Variants in PIK3CB observed in about 807,000 individuals in gnomAD.
PIK3CB encodes the protein phosphatidylinositol 4,5-bisphosphate 3-kinase catalytic subunit beta isoform.
PIK3CB carries 39 observed loss-of-function variants against 136.8 expected under a neutral mutation model. The ratio of observed to expected loss-of-function variants is 0.29; its 90% CI spans 0.22 to 0.37. The LOEUF is 0.37. Among genes scored for constraint, PIK3CB ranks in the 10% least tolerant of loss-of-function variants. The pLI, the probability that PIK3CB is intolerant of heterozygous loss-of-function variation, is 1.00. For missense variants in PIK3CB, 868 were observed against 1,275.4 expected, an observed-to-expected ratio of 0.68 and a Z score of 4.87; for synonymous variants, 428 against 436.6, an observed-to-expected ratio of 0.98 and a Z score of 0.25.
chr3:138,758,738 A>G (rs2045617274), intron 3 of PIK3CB, among the ~76,000 whole-genome samples: 1 of 152,196 alleles, frequency 6.6e-6, no homozygotes, highest in East Asian at 1.9e-4. Flanking sequence ...AAGTTCATGT[A>G]TATGCTGGTT....
chr3:138,659,468 G>C (rs943822986), intron 21 of PIK3CB, among the ~76,000 whole-genome samples: 2 of 151,446 alleles, frequency 1.3e-5, no homozygotes, highest in African/African-American at 4.9e-5. Flanking sequence ...AGTGAGCCGG[G>C]ATCACGCCAC....
chr3:138,798,147 G>GTTAT (rs978880083), intron 1 of PIK3CB, among the ~76,000 whole-genome samples: 4 of 151,926 alleles, frequency 2.6e-5, no homozygotes, highest in Admixed American at 2.0e-4. Flanking sequence ...AGAATCTGCA[G>GTTAT]TTATTTATTT....
rs749228472 is a variant in PIK3CB, at chr3:138,665,075, T to C, written c.2633A>G (p.Lys878Arg). ...TTTAAGCCAGTTCAGAAGGGCATCT[T>C]TGTTGAAGGCTGCTGCAGCAGCCAC... ...SNVAAAAAFN[K>R]DALLNWLKEY... is the part of the protein sequence containing the mutation. Residue 878 changes from lysine (K) to arginine (R), a missense_variant, in exon 20 of 24, where the codon AAA becomes AGA. Lys to Arg is a conservative substitution (Grantham distance 26). Around this residue, in one of 4 missense-constraint regions of PIK3CB, gnomAD observed 165 missense variants for 295.4 expected, o/e 0.56. Coordinates refer to ENST00000674063, the MANE Select transcript of PIK3CB (RefSeq NM_006219.3). 2 of 1,612,692 alleles carry C rather than the reference T, an allele frequency of 1.2e-6. No homozygotes were observed. Among genetic ancestry groups the C allele is most frequent in the Non-Finnish European group, 1.7e-6 (2 of 1,179,174 alleles).
intron 16 of PIK3CB, among the ~76,000 whole-genome samples, chr3:138,685,396 CAAAA>C (rs398052626): frequency 8.6e-5 from 5 of 58,354 alleles, no homozygotes; most frequent in Non-Finnish European, 1.4e-4. Flanking sequence ...GAAACTGTCT[CAAAA>C]AAAAAAAAAA....
rs776322430 is a variant in PIK3CB at position 138,698,943 on chromosome 3, C to G, written c.1734G>C (p.Leu578=). The part of the protein sequence containing the change: ...IFPQSLPKLL[L]SIKWNKLEDV... Reference sequence around the variant, plus strand: ...CCTCAAGTTTATTCCACTTGATTGACAGCAGTAATTTTGGCAGTGATTGTG... The same window carrying G: ...CCTCAAGTTTATTCCACTTGATTGAGAGCAGTAATTTTGGCAGTGATTGTG... The change falls in exon 13 of 24, where the codon CTG becomes CTC. Residue 578 remains leucine, a synonymous_variant. Transcript: ENST00000674063. 12 of 1,600,626 alleles carry G rather than the reference C, an allele frequency of 7.5e-6. No homozygotes were observed. In the East Asian group the frequency reaches 2.7e-4, roughly 36 times the overall value.
chr3:138,828,102 G>A (rs1020834629), intron 1 of PIK3CB, among the ~76,000 whole-genome samples: 1 of 151,740 alleles, frequency 6.6e-6, no homozygotes, highest in African/African-American at 2.4e-5. Flanking sequence ...AGTGTGTTCA[G>A]GATATACATT....
chr3:138,657,955 CCTCT>C, intron 21 of PIK3CB, 120 bp from the exon 22 acceptor site: 1 of 891,862 alleles, frequency 1.1e-6, no homozygotes, highest in Non-Finnish European at 1.7e-6. Context: ...AGCCCTTCTC[CCTCT>C]GTTTATAGCC....
chr3:138,827,814 C>T (rs965921193), intron 1 of PIK3CB, among the ~76,000 whole-genome samples: 22 of 147,694 alleles, frequency 1.5e-4, no homozygotes, highest in African/African-American at 5.3e-4. Flanking sequence ...CCTGTCTCTA[C>T]TAAAAAAATA....
At chr3:138,723,217 A>G (rs2044765079) in intron 8 of PIK3CB, among the ~76,000 whole-genome samples, 1 of 152,216 alleles carries the variant, frequency 6.6e-6, no homozygotes, top group African/African-American at 2.4e-5. Context: ...GTTATCTTCA[A>G]TCTTGAGAAG....
intron 2 of PIK3CB, among the ~76,000 whole-genome samples, chr3:138,780,184 T>G (rs2045907830): frequency 1.3e-5 from 2 of 152,128 alleles, no homozygotes; most frequent in African/African-American, 4.8e-5. Flanking sequence ...GGTCTCGAAC[T>G]CCCGACCTCA....
chr3:138,721,457 G>C (rs1313420876), intron 8 of PIK3CB, among the ~76,000 whole-genome samples: 1 of 152,132 alleles, frequency 6.6e-6, no homozygotes, highest in Non-Finnish European at 1.5e-5. Context: ...GAGCCACTGG[G>C]CATGGCCAAG....
chr3:138,750,982 T>C (rs1352222566), intron 4 of PIK3CB, among the ~76,000 whole-genome samples: 1 of 152,182 alleles, frequency 6.6e-6, no homozygotes, highest in Non-Finnish European at 1.5e-5. Flanking sequence ...CAATCACTAA[T>C]GTTTTGGTAA....
At chr3:138,821,861 A>G (rs1243831589) in intron 1 of PIK3CB, among the ~76,000 whole-genome samples, 1 of 152,134 alleles carries the variant, frequency 6.6e-6, no homozygotes, top group Non-Finnish European at 1.5e-5. Context: ...TCAAGAGTTA[A>G]GACAGCTTGG....
At chr3:138,792,814 G>C (rs1048408123) in intron 2 of PIK3CB, among the ~76,000 whole-genome samples, 2 of 151,944 alleles carry the variant, frequency 1.3e-5, no homozygotes, top group African/African-American at 4.8e-5. Flanking sequence ...GTCATACTCT[G>C]TTGCCCAGAC....
At chr3:138,739,803 G>A (rs892050216) in intron 5 of PIK3CB, among the ~76,000 whole-genome samples, 6 of 150,456 alleles carry the variant, frequency 4.0e-5, no homozygotes, top group Non-Finnish European at 5.9e-5. Context: ...TCGGGAGGCT[G>A]AGGCAGGAGA....
intron 2 of PIK3CB, among the ~76,000 whole-genome samples, chr3:138,761,971 G>A (rs934127681): frequency 6.6e-6 from 1 of 150,388 alleles, no homozygotes; most frequent in African/African-American, 2.4e-5. Flanking sequence ...TTTGGGCCAG[G>A]CACGGTGGCT....
At chr3:138,715,708 C>T (rs1012682795) in intron 8 of PIK3CB, among the ~76,000 whole-genome samples, 1 of 151,516 alleles carries the variant, frequency 6.6e-6, no homozygotes, top group Non-Finnish European at 1.5e-5. Flanking sequence ...ATTTTAAATA[C>T]TGATGTAATC....
rs901235231 is a variant in PIK3CB at position 138,655,083 on chromosome 3, A to G, written c.*306T>C. On this transcript the variant is annotated 3_prime_UTR_variant, in exon 24 of 24. Transcript: ENST00000674063. ...TTTACACCATTCTGGGAAGTACCAA[A>G]TATTAGAAAAAACAAACAAAAACGG... The G allele has an allele frequency of 5.9e-6, 2 of 341,316 alleles. No homozygotes were observed. The highest frequency in any genetic ancestry group is 1.1e-5 in the Non-Finnish European group (2 of 185,982). 21.1% of individuals were successfully genotyped at this position (341,316 alleles called of 1,614,324 possible).
At chr3:138,780,858 G>GT (rs757238789) in intron 2 of PIK3CB, among the ~76,000 whole-genome samples, 34 of 151,852 alleles carry the variant, frequency 2.2e-4, no homozygotes, top group Admixed American at 7.9e-4. Flanking sequence ...TTTTTGTTTT[G>GT]TTTTTTTGTA....
Sources: allele counts gnomAD v4.1 joint callset (sites outside exome capture counted in the v4.1 genomes callset), GRCh38; gene constraint gnomAD v4.1.1; regional missense constraint gnomAD v4.1.1; transcripts MANE v1.5; gene names NCBI Gene and HGNC (gene_info 2026-07-23, HGNC 2026-07-21).